The following HIVEP1 variants were observed in gnomAD, a reference collection of about 807,000 sequenced individuals.
HIVEP1 encodes the protein HIVEP zinc finger 1.
Under a neutral mutation model 180.0 loss-of-function variants are expected in HIVEP1, and 36 were observed. The ratio of observed to expected loss-of-function variants is 0.20; its 90% CI spans 0.15 to 0.26. HIVEP1 has a LOEUF of 0.26. Among genes scored for constraint, HIVEP1 ranks in the 10% least tolerant of loss-of-function variants. The pLI is 1.00. For missense variants in HIVEP1, 3,143 were observed against 3,268.7 expected, an observed-to-expected ratio of 0.96 and a Z score of 0.94; for synonymous variants, 1,239 against 1,239.0, an observed-to-expected ratio of 1.00 and a Z score of 0.00.
intron 3 of HIVEP1, among the ~76,000 whole-genome samples, chr6:12,096,703 A>G (rs992829767): frequency 3.9e-5 from 6 of 152,046 alleles, no homozygotes; most frequent in African/African-American, 1.4e-4. Flanking sequence ...TTTTATGTTA[A>G]TAAGGCCATG....
At chr6:12,053,242 T>C (rs1770651266) in intron 2 of HIVEP1, among the ~76,000 whole-genome samples, 1 of 151,982 alleles carries the variant, frequency 6.6e-6, no homozygotes, top group East Asian at 1.9e-4. Flanking sequence ...TGTGTGTGTC[T>C]GTGTGTGTGT....
In HIVEP1 at chr6:12,121,371, G is replaced by A. The variant is rs1757642294; in HGVS notation, c.1576G>A (p.Glu526Lys). The A allele has an allele frequency of 6.2e-7, 1 of 1,614,044 alleles. No individual in the cohort carries two copies. The change falls in exon 4 of 9, where the codon GAA becomes AAA. Residue 526 changes from glutamate (E) to lysine (K), a missense_variant. Glu to Lys is a moderately conservative substitution (Grantham distance 56, BLOSUM62 1). Transcript: ENST00000379388. The surrounding 1 kb of genome is among the most constrained non-coding windows in gnomAD (Gnocchi z 5.3). The part of the protein sequence containing the change: ...VHIIKRMSNA[E>K]TLLKSSFTPS... ...CATAATAAAGAGGATGTCAAATGCT[G>A]AAACTTTACTAAAATCAAGCTTCAC...
intron 2 of HIVEP1, among the ~76,000 whole-genome samples, chr6:12,070,417 G>C (rs1355504646): frequency 6.6e-6 from 1 of 152,174 alleles, no homozygotes; most frequent in Non-Finnish European, 1.5e-5. Flanking sequence ...GCCGGGTGCG[G>C]TGGCTCATGC....
chr6:12,048,838 T>C (rs1707814504), intron 2 of HIVEP1, among the ~76,000 whole-genome samples: 1 of 152,148 alleles, frequency 6.6e-6, no homozygotes, highest in African/African-American at 2.4e-5. Context: ...GGGGACAGTT[T>C]TGTATTATTT....
At chr6:12,118,903 T>C (rs1355017770) in intron 3 of HIVEP1, among the ~76,000 whole-genome samples, 2 of 152,178 alleles carry the variant, frequency 1.3e-5, no homozygotes, top group African/African-American at 4.8e-5. Context: ...ACTTAGAAAT[T>C]TGCTGAAAAG....
the HIVEP1 span, among the ~76,000 whole-genome samples, chr6:12,185,400 T>C: frequency 6.6e-6 from 1 of 152,184 alleles, no homozygotes; most frequent in South Asian, 2.1e-4. Flanking sequence ...TTTGAGTCAT[T>C]GGCATGCACA....
At position 12,121,835 on chromosome 6, in the gene HIVEP1, A is replaced by C; in HGVS notation, c.2040A>C (p.Glu680Asp). The C allele has an allele frequency of 6.2e-7, 1 of 1,614,174 alleles. No individual in the cohort carries two copies. Among genetic ancestry groups the C allele is most frequent in the Non-Finnish European group, 8.5e-7 (1 of 1,180,032 alleles). Residue 680 changes from glutamate (E) to aspartate (D), a missense_variant, in exon 4 of 9, where the codon GAA (glutamate) becomes GAC (aspartate). Physicochemically the swap from Glu to Asp is conservative, Grantham distance 45. Coordinates refer to ENST00000379388, the MANE Select transcript of HIVEP1 (RefSeq NM_002114.4). The surrounding 1 kb of genome is among the most constrained non-coding windows in gnomAD (Gnocchi z 5.3). ...STDSGYFSRS[E>D]SADQTVSPPT... ...ATTCTGGTTACTTTTCACGTTCTGA[A>C]AGTGCCGATCAAACAGTGAGTCCAC...
intron 2 of HIVEP1, among the ~76,000 whole-genome samples, chr6:12,062,465 T>G (rs1771301983): frequency 6.6e-6 from 1 of 152,192 alleles, no homozygotes; most frequent in Non-Finnish European, 1.5e-5. Context: ...TTTTCTTAAT[T>G]TTTAAATTAA....
chr6:12,144,806 C>T, intron 7 of HIVEP1, among the ~76,000 whole-genome samples: 1 of 152,304 alleles, frequency 6.6e-6, no homozygotes, highest in South Asian at 2.1e-4. Flanking sequence ...AAATGCAAAT[C>T]AAAACCACAG....
intron 2 of HIVEP1, among the ~76,000 whole-genome samples, chr6:12,040,277 TA>T (rs1769590615): frequency 6.6e-6 from 1 of 152,192 alleles, no homozygotes; most frequent in African/African-American, 2.4e-5. Flanking sequence ...GCAAATCTTT[TA>T]TGATGTTCAT....
chr6:12,017,906 C>A (rs992081248), intron 2 of HIVEP1, among the ~76,000 whole-genome samples: 1 of 152,368 alleles, frequency 6.6e-6, no homozygotes, highest in East Asian at 1.9e-4. Flanking sequence ...GTGGAGCTGC[C>A]TGCGCCTTGT....
chr6:12,138,827 C>T (rs1233704509), intron 7 of HIVEP1, among the ~76,000 whole-genome samples: 1 of 151,836 alleles, frequency 6.6e-6, no homozygotes, highest in African/African-American at 2.4e-5. Context: ...AGCACACTTC[C>T]CCCATAGTCT....
intron 5 of HIVEP1, 107 bp from the exon 6 acceptor site, chr6:12,130,660 G>A: frequency 1.7e-6 from 1 of 577,800 alleles, no homozygotes; most frequent in Non-Finnish European, 3.0e-6. Context: ...TATTGGTTGA[G>A]TATAAAAGTT....
chr6:12,079,875 C>T (rs1469813221), intron 2 of HIVEP1, among the ~76,000 whole-genome samples: 1 of 151,902 alleles, frequency 6.6e-6, no homozygotes, highest in Non-Finnish European at 1.5e-5. Flanking sequence ...GATTATTGCC[C>T]TGTGGATGTT....
intron 6 of HIVEP1, among the ~76,000 whole-genome samples, chr6:12,131,187 T>C (rs929987682): frequency 6.6e-6 from 1 of 151,808 alleles, no homozygotes; most frequent in African/African-American, 2.4e-5. Flanking sequence ...GCAACTGCCC[T>C]TTTTAAAAAA....
In HIVEP1 at chr6:12,017,957, C is replaced by T. The variant is rs370379870; in HGVS notation, c.40+2289C>T. The stretch of plus-strand genomic sequence containing the variant: ...CCCTTGGGTGGTCGATGGGACTGGG[C>T]GCCTAGGAACAGGGGGCAGCGCTCA... On this transcript the variant is annotated intron_variant, in intron 2 of 8. Coordinates refer to ENST00000379388, the MANE Select transcript of HIVEP1 (RefSeq NM_002114.4). Among the ~76,000 whole-genome samples, 593 of 152,322 alleles carry T rather than the reference C, an allele frequency of 3.9e-3. 3 individuals carry two copies. The highest frequency in any genetic ancestry group is 0.013 in the African/African-American group (551 of 41,576).
At position 12,122,585 on chromosome 6, in the gene HIVEP1, T is replaced by G. The variant is rs749100218; in HGVS notation, c.2790T>G (p.Gly930=). The stretch of plus-strand genomic sequence containing the variant: ...GCCACCAAGGATGCCATGCTGCTGG[T>G]GAAGCCATGTCAGTGAGGAGCAAGG... ...DESHQGCHAA[G]EAMSVRSKAL... The change falls in exon 4 of 9, where the codon GGT becomes GGG. Residue 930 remains glycine (G), a synonymous_variant. Coordinates refer to ENST00000379388, the MANE Select transcript of HIVEP1 (RefSeq NM_002114.4). 7 of 1,614,148 alleles carry G rather than the reference T, an allele frequency of 4.3e-6. No individual in the cohort carries two copies. Among genetic ancestry groups the G allele is most frequent in the Non-Finnish European group, 5.9e-6 (7 of 1,180,040 alleles).
At chr6:12,070,556 C>G (rs375522635) in intron 2 of HIVEP1, among the ~76,000 whole-genome samples, 7 of 152,122 alleles carry the variant, frequency 4.6e-5, no homozygotes, top group Admixed American at 2.0e-4. Context: ...CCTTTATAAT[C>G]TTGTGAGACT....
intron 2 of HIVEP1, among the ~76,000 whole-genome samples, chr6:12,072,550 A>C (rs896876099): frequency 1.3e-5 from 2 of 152,042 alleles, no homozygotes; most frequent in Non-Finnish European, 2.9e-5. Flanking sequence ...AGTTTGGGGA[A>C]TATTCTTCTA....
Sources: gnomAD v4.1 joint callset for allele counts (sites outside exome capture counted in the v4.1 genomes callset) on GRCh38, gnomAD v4.1.1 for gene constraint, Gnocchi (gnomAD v3.1) non-coding constraint, MANE v1.5 for transcripts, NCBI Gene and HGNC (gene_info 2026-07-23, HGNC 2026-07-21) for gene names.